The following OTOF variants were observed in gnomAD, a reference collection of about 807,000 sequenced individuals.
The protein encoded by OTOF is fer-1-like family member 2.
Under a neutral mutation model 236.8 loss-of-function variants are expected in OTOF, and 218 were observed. The ratio of observed to expected loss-of-function variants is 0.92; its 90% confidence interval spans 0.82 to 1.03. OTOF has a LOEUF of 1.03. Ranked by LOEUF, OTOF falls within the 50% of genes least tolerant of loss-of-function variation. The pLI is 0.00. For missense variants in OTOF, 2,590 were observed against 2,694.4 expected (o/e 0.96, Z 0.86); for synonymous variants, 1,041 against 1,072.5 (o/e 0.97, Z 0.57).
chr2:26,551,879 TA>T (rs1667470158), intron 1 of OTOF, among the ~76,000 whole-genome samples: 1 of 152,166 alleles, frequency 6.6e-6, no homozygotes, highest in African/African-American at 2.4e-5. Context: ...TCTTATCTTT[TA>T]TAACTGTGTA....
At chr2:26,550,514 G>T (rs1002468180) in intron 1 of OTOF, among the ~76,000 whole-genome samples, 19 of 152,186 alleles carry the variant, frequency 1.2e-4, no homozygotes, top group Admixed American at 3.3e-4. Flanking sequence ...CCACCTGGAT[G>T]GCAGTGGCTC....
intron 12 of OTOF, 46 bp downstream of exon 12, chr2:26,484,428 G>T (rs1665650123): frequency 6.2e-7 from 1 of 1,610,230 alleles, no homozygotes; most frequent in Non-Finnish European, 8.5e-7. Flanking sequence ...CCTGGGGGAA[G>T]GAAGGGCTGG....
chr2:26,538,204 C>A (rs76591617), intron 1 of OTOF, among the ~76,000 whole-genome samples: 4,343 of 152,318 alleles, frequency 0.029, 133 homozygotes, highest in Non-Finnish European at 0.033. Flanking sequence ...CCCCTGCCTG[C>A]CGACAGGGGT....
intron 2 of OTOF, among the ~76,000 whole-genome samples, chr2:26,536,495 G>A (rs754743681): frequency 7.2e-5 from 11 of 152,188 alleles, no homozygotes; most frequent in East Asian, 1.9e-4. Flanking sequence ...GATGGTTGAT[G>A]GCTGTGCCTA....
Position 26,475,980 on chromosome 2 carries a change from G to T in OTOF, c.2925C>A (p.Ala975=). 1 of 1,612,606 alleles carries T rather than the reference G, an allele frequency of 6.2e-7. No homozygotes were observed. Among genetic ancestry groups the T allele is most frequent in the East Asian group, 2.2e-5 (1 of 44,866 alleles). The change falls in exon 24 of 47, where the codon GCC becomes GCA. Residue 975 remains alanine, a synonymous_variant. Transcript: ENST00000272371. ...HMYQARSLFA[A]DSSGLSDPFA... Reference sequence around the variant, plus strand: ...AGGGGTCTGAGAGTCCGCTGCTGTCGGCGGCAAAGAGGCTGCGGGCCTGGT... The same window carrying T: ...AGGGGTCTGAGAGTCCGCTGCTGTCTGCGGCAAAGAGGCTGCGGGCCTGGT...
chr2:26,489,875 A>C, intron 9 of OTOF, 135 bp from the exon 10 acceptor site: 2 of 732,250 alleles, frequency 2.7e-6, no homozygotes, highest in Non-Finnish European at 5.0e-6. Flanking sequence ...TCAGAGGAGC[A>C]GCAGAGGCAA....
rs765847178 is a variant in OTOF, at chr2:26,465,689, G to A, written c.4782C>T (p.Ile1594=). ...CCACATACGTGGAGTAGGTCTGGGCGATGCCGCAGGTGGCGCGGTGCTTGC... is the reference window on the plus strand; with the variant it reads ...CCACATACGTGGAGTAGGTCTGGGCAATGCCGCAGGTGGCGCGGTGCTTGC... ...FYSKHRATCG[I]AQTYSTHGYN... The change falls in exon 38 of 47, where the codon ATC becomes ATT. Residue 1594 remains isoleucine, a synonymous_variant. Transcript: ENST00000272371. 14 of 1,614,262 alleles carry A rather than the reference G, an allele frequency of 8.7e-6. No homozygotes were observed. The highest frequency in any genetic ancestry group is 5.3e-5 in the African/African-American group (4 of 75,070).
At chr2:26,510,501 G>C (rs77329338) in intron 5 of OTOF, among the ~76,000 whole-genome samples, 4,401 of 150,776 alleles carry the variant, frequency 0.029, 193 homozygotes, top group African/African-American at 0.1. Context: ...CACCTCCCCC[G>C]CGACCCTAAC....
chr2:26,483,605 C>A lies in OTOF; in HGVS notation c.1249G>T (p.Ala417Ser), dbSNP rs767234532. ...PEGVPPERQW[A>S]RFYVKIYRAE... ...CGGTAAATTTTCACATAGAACCGGG[C>A]CCACTGGCGTTCGGGGGGCACCCCC... Residue 417 changes from alanine to serine, a missense_variant, in exon 13 of 47, where the codon GCC becomes TCC. By Grantham distance (99) the Ala-to-Ser change is moderately conservative. This residue lies in a region of OTOF where 1,379 missense variants were observed against 1,341.6 expected (regional missense o/e 1.03). Transcript: ENST00000272371. 2 of 1,613,396 alleles carry A rather than the reference C, an allele frequency of 1.2e-6. No individual in the cohort carries two copies. The highest frequency in any genetic ancestry group is 1.7e-6 in the Non-Finnish European group (2 of 1,180,010).
Position 26,479,324 on chromosome 2 carries a change from C to T in OTOF, c.2154G>A (p.Trp718Ter), listed in dbSNP as rs1351483718. ...TGTAGAGGCGGCGGCGCTGGTCCGG[C>T]CACCAGCTCTTGATGTAGATGCAGG... Reference protein sequence around the residue: ...RKPCIYIKSWWPDQRRRLYNA... With the variant: ...RKPCIYIKSW The change falls in exon 18 of 47, where the codon TGG becomes TGA. Residue 718 changes from tryptophan to a stop codon, truncating the protein, a stop_gained. Coordinates refer to ENST00000272371, the MANE Select transcript of OTOF (RefSeq NM_194248.3). LOFTEE classifies it high-confidence loss of function. 1.2e-6 allele frequency: 2 copies of T among 1,612,466 alleles called. No individual in the cohort carries two copies. Among genetic ancestry groups the T allele is most frequent in the African/African-American group, 2.7e-5 (2 of 74,934 alleles).
chr2:26,494,404 C>G (rs1380271809), intron 9 of OTOF, among the ~76,000 whole-genome samples: 2 of 152,268 alleles, frequency 1.3e-5, no homozygotes, highest in African/African-American at 4.8e-5. Flanking sequence ...ACCCCACTAG[C>G]ACGCCAAGGG....
chr2:26,492,694 C>G, intron 9 of OTOF, among the ~76,000 whole-genome samples: 1 of 152,064 alleles, frequency 6.6e-6, no homozygotes, highest in African/African-American at 2.4e-5. Context: ...GAACAAATAG[C>G]GAGGCAGGAG....
rs397517948 is a variant in OTOF, at chr2:26,463,957, G to A, written c.5103+7C>T. ...AAGAACCCCAGTCTTGGCCATGCAA[G>A]TGTCACCTGCTCGATGCCCGGCTTG... On this transcript the variant is annotated splice_region_variant and intron_variant, in intron 40 of 46. Transcript: ENST00000272371. The A allele has an allele frequency of 1.2e-5, 19 of 1,613,718 alleles. No individual in the cohort carries two copies. Among genetic ancestry groups the A allele is most frequent in the South Asian group, 3.3e-5 (3 of 91,094 alleles).
At chr2:26,459,319 G>A (rs546007368) in intron 46 of OTOF, among the ~76,000 whole-genome samples, 10 of 152,092 alleles carry the variant, frequency 6.6e-5, no homozygotes, top group Admixed American at 5.2e-4. Context: ...TTGGGAGGCC[G>A]AGATGGGCGG....
intron 33 of OTOF, among the ~76,000 whole-genome samples, chr2:26,467,762 G>A (rs1664805769): frequency 6.6e-6 from 1 of 152,186 alleles, no homozygotes; most frequent in South Asian, 2.1e-4. Context: ...GGGTTTGGGG[G>A]TGGAGGCCTG....
chr2:26,514,527 A>C (rs746884440), intron 5 of OTOF, among the ~76,000 whole-genome samples: 3 of 152,342 alleles, frequency 2.0e-5, no homozygotes, highest in Non-Finnish European at 4.4e-5. Context: ...CTGTGTTGCT[A>C]CGCCACCCCA....
At chr2:26,510,566 T>A (rs1480725553) in intron 5 of OTOF, 4 of 423,370 alleles carry the variant, frequency 9.4e-6, no homozygotes, top group Admixed American at 6.3e-5. Context: ...TGGGCCTCCA[T>A]GACCCGTGCC....
rs1666609557 is a variant in OTOF, at chr2:26,519,085, C to T, written c.252G>A (p.Val84=). 6.2e-7 allele frequency: 1 copy of T among 1,605,384 alleles called. No individual in the cohort carries two copies. The highest frequency in any genetic ancestry group is 8.5e-7 in the Non-Finnish European group (1 of 1,174,514). Residue 84 remains valine, a synonymous_variant, in exon 4 of 47, where the codon GTG becomes GTA. Transcript: ENST00000272371. The part of the protein sequence containing the change: ...SNKLIGTFRM[V]LQKVVEESHV... Reference sequence around the variant, plus strand: ...GGCTCTCCTCTACCACCTTCTGCAGCACCATGCGGAAGGTCCCGATGAGCC... The same window carrying T: ...GGCTCTCCTCTACCACCTTCTGCAGTACCATGCGGAAGGTCCCGATGAGCC...
At chr2:26,541,582 T>C (rs1667213365) in intron 1 of OTOF, among the ~76,000 whole-genome samples, 1 of 152,172 alleles carries the variant, frequency 6.6e-6, no homozygotes, top group South Asian at 2.1e-4. Flanking sequence ...GTGGTTCTGT[T>C]CTGTTCACTG....
Sources: gnomAD v4.1 joint callset for allele counts (sites outside exome capture counted in the v4.1 genomes callset) on GRCh38, gnomAD v4.1.1 for gene constraint, gnomAD v4.1.1 regional missense constraint, MANE v1.5 for transcripts, NCBI Gene and HGNC (gene_info 2026-07-23, HGNC 2026-07-21) for gene names.